SNRPD1: variants seen among roughly 807,000 people sequenced by gnomAD.
SNRPD1 encodes small nuclear ribonucleoprotein Sm D1.
Under a neutral mutation model 14.4 loss-of-function variants are expected in SNRPD1, and 1 was observed. That is an observed-to-expected ratio of 0.07 (90% CI 0.02 to 0.33). SNRPD1 has a LOEUF of 0.33. SNRPD1 is among the 10% of genes least tolerant of loss of function. SNRPD1 has a pLI of 1.00. For missense variants in SNRPD1, 52 were observed against 146.4 expected, an observed-to-expected ratio of 0.36 and a Z score of 3.33; for synonymous variants, 42 against 50.3, an observed-to-expected ratio of 0.83 and a Z score of 0.70.
chr18:21,616,844 C>T (rs1353875784), intron 1 of SNRPD1, among the ~76,000 whole-genome samples: 1 of 151,692 alleles, frequency 6.6e-6, no homozygotes, highest in Admixed American at 6.6e-5. Context: ...TGCCACTATG[C>T]CTGGCTTATT....
chr18:21,622,840 T>A, intron 2 of SNRPD1, 39 bp downstream of exon 2: 1 of 1,012,114 alleles, frequency 9.9e-7, no homozygotes, highest in Non-Finnish European at 1.6e-6. Flanking sequence ...TTTTTTTTCT[T>A]CTCTTTTACC....
At chr18:21,621,726 C>T (rs966449113) in intron 1 of SNRPD1, among the ~76,000 whole-genome samples, 2 of 152,044 alleles carry the variant, frequency 1.3e-5, no homozygotes, top group Admixed American at 6.6e-5. Flanking sequence ...TACAGGCGTA[C>T]GCCATCCTGC....
At chr18:21,623,628 C>A in intron 2 of SNRPD1, 120 bp from the exon 3 acceptor site, 1 of 716,416 alleles carries the variant, frequency 1.4e-6, no homozygotes. Flanking sequence ...TCATAGAAAA[C>A]TTGCACTTTG....
chr18:21,623,016 G>A (rs138187694), intron 2 of SNRPD1, among the ~76,000 whole-genome samples: 1,658 of 149,878 alleles, frequency 0.011, 36 homozygotes, highest in African/African-American at 0.038. Context: ...AACATCCGCC[G>A]CCTGGGGTCA....
At chr18:21,628,504 A>C (rs1220304730) in intron 3 of SNRPD1, among the ~76,000 whole-genome samples, 1 of 152,212 alleles carries the variant, frequency 6.6e-6, no homozygotes, top group Non-Finnish European at 1.5e-5. Flanking sequence ...ACTCAACTAG[A>C]GTTAGGATGA....
chr18:21,626,874 G>C (rs905341110), intron 3 of SNRPD1, among the ~76,000 whole-genome samples: 7 of 151,070 alleles, frequency 4.6e-5, no homozygotes, highest in Non-Finnish European at 7.4e-5. Flanking sequence ...GAAGTGGCAT[G>C]ATCATAGCTC....
intron 3 of SNRPD1, among the ~76,000 whole-genome samples, chr18:21,627,445 T>G (rs1445936158): frequency 4.9e-5 from 7 of 142,522 alleles, no homozygotes; most frequent in African/African-American, 1.8e-4. Flanking sequence ...TTTTTTTTTT[T>G]TTTTTTTTTT....
intron 1 of SNRPD1, among the ~76,000 whole-genome samples, chr18:21,615,132 A>G (rs1266342591): frequency 6.6e-6 from 1 of 152,214 alleles, no homozygotes; most frequent in Non-Finnish European, 1.5e-5. Flanking sequence ...CCATACCCCT[A>G]GATGCAACCA....
intron 1 of SNRPD1, among the ~76,000 whole-genome samples, chr18:21,616,286 A>G (rs1440044194): frequency 1.3e-5 from 2 of 151,950 alleles, no homozygotes; most frequent in Non-Finnish European, 2.9e-5. Flanking sequence ...CGCCCAGCCC[A>G]GAGTTGTAGA....
rs1423181499 is a variant in SNRPD1 at position 21,632,012 on chromosome 18, C to T, written c.*2874C>T. ...AGTGCCGTGGTGCACACTTGTAGTC[C>T]CTGCTACTGGGGAGGCTAAGGCAAG... On this transcript the variant is annotated 3_prime_UTR_variant, in exon 4 of 4. Coordinates refer to ENST00000300413, the MANE Select transcript of SNRPD1 (RefSeq NM_006938.4). The T allele has an allele frequency of 2.0e-5, 3 of 152,052 alleles. No individual in the cohort carries two copies. The highest frequency in any genetic ancestry group is 7.2e-5 in the African/African-American group (3 of 41,390). 9.4% of individuals were successfully genotyped at this position (152,052 alleles called of 1,614,324 possible).
At chr18:21,614,084 C>CCAACGTGGTGAAACCCATTCTTTCGAA (rs2038940500) in intron 1 of SNRPD1, among the ~76,000 whole-genome samples, 1 of 151,676 alleles carries the variant, frequency 6.6e-6, no homozygotes, top group East Asian at 1.9e-4. Context: ...ACCTGCCTGG[C>CCAACGTGGTGAAACCCATTCTTTCGAA]CAACGTGGTG....
chr18:21,614,260 C>T (rs774020941), intron 1 of SNRPD1, among the ~76,000 whole-genome samples: 3 of 152,104 alleles, frequency 2.0e-5, no homozygotes, highest in Non-Finnish European at 2.9e-5. Context: ...GAGTGAGACT[C>T]GGTCTCAAAA....
intron 1 of SNRPD1, among the ~76,000 whole-genome samples, chr18:21,622,512 G>A (rs945044265): frequency 9.2e-5 from 14 of 152,080 alleles, no homozygotes; most frequent in African/African-American, 2.9e-4. Context: ...AATTAGAAAC[G>A]TCCAAATGAC....
intron 1 of SNRPD1, among the ~76,000 whole-genome samples, chr18:21,620,861 A>G (rs947554917): frequency 3.3e-5 from 5 of 152,124 alleles, no homozygotes; most frequent in African/African-American, 7.2e-5. Flanking sequence ...TAGTTTTCCC[A>G]TGTTAATGAA....
intron 1 of SNRPD1, among the ~76,000 whole-genome samples, chr18:21,620,444 A>T (rs2038989204): frequency 6.6e-6 from 1 of 152,138 alleles, no homozygotes; most frequent in Admixed American, 6.6e-5. Flanking sequence ...CCTCTGCAAA[A>T]TTTTATAAAA....
intron 1 of SNRPD1, among the ~76,000 whole-genome samples, chr18:21,622,366 T>G (rs2039004762): frequency 6.6e-6 from 1 of 152,094 alleles, no homozygotes; most frequent in African/African-American, 2.4e-5. Flanking sequence ...GATCTCGATC[T>G]CCTGACCTCG....
chr18:21,615,584 C>T (rs927719140), intron 1 of SNRPD1, among the ~76,000 whole-genome samples: 1 of 151,750 alleles, frequency 6.6e-6, no homozygotes, highest in East Asian at 1.9e-4. Flanking sequence ...CGCCATTGCA[C>T]TCCAGCTTGG....
At chr18:21,618,653 G>A (rs564313558) in intron 1 of SNRPD1, among the ~76,000 whole-genome samples, 2 of 152,050 alleles carry the variant, frequency 1.3e-5, no homozygotes, top group Non-Finnish European at 2.9e-5. Flanking sequence ...ACTCTCTGGT[G>A]AAATAAAGTG....
rs181389453 is a variant in SNRPD1 at position 21,630,881 on chromosome 18, A to C, written c.*1743A>C. 6.4e-4 allele frequency: 96 copies of C among 149,232 alleles called. No homozygotes were observed. In the Middle Eastern group the frequency reaches 0.014, roughly 22 times the overall value. 9.2% of individuals were successfully genotyped at this position (149,232 alleles called of 1,614,324 possible). On this transcript the variant is annotated 3_prime_UTR_variant, in exon 4 of 4. Transcript: ENST00000300413. The stretch of plus-strand genomic sequence containing the variant: ...GTAGAATGTACCTGTCATATATATT[A>C]GATATATAAATGTATATATTGGTAT...
Sources: gnomAD v4.1 joint callset for allele counts (sites outside exome capture counted in the v4.1 genomes callset) on GRCh38, gnomAD v4.1.1 for gene constraint, MANE v1.5 for transcripts, NCBI Gene and HGNC (gene_info 2026-07-23, HGNC 2026-07-21) for gene names.